The following ARL15 variants were observed in gnomAD, a reference collection of about 807,000 sequenced individuals.
ARL15 encodes the protein ADP-ribosylation factor-like protein 15.
ARL15 carries 19 observed loss-of-function variants against 25.2 expected under a neutral mutation model. The observed-to-expected ratio is 0.75, with a 90% CI of 0.53 to 1.10. The LOEUF (loss-of-function observed/expected upper bound fraction) is 1.10, where lower values mean the gene tolerates loss of function less well. Ranked by LOEUF, ARL15 falls within the 50% of genes least tolerant of loss-of-function variation. The probability of loss-of-function intolerance (pLI) is 0.00; values close to 1 mark genes in which losing one functional copy is unlikely to be tolerated. For missense variants in ARL15, 220 were observed against 246.0 expected (o/e 0.89, Z 0.71); for synonymous variants, 94 against 86.8 (o/e 1.08, Z -0.46).
At chr5:53,893,039 T>C (rs922016783) in intron 4 of ARL15, among the ~76,000 whole-genome samples, 6 of 152,196 alleles carry the variant, frequency 3.9e-5, no homozygotes, top group African/African-American at 1.4e-4. Context: ...ACTTTCCTTG[T>C]CTATGTCCTA....
intron 3 of ARL15, among the ~76,000 whole-genome samples, chr5:54,119,961 T>C (rs893894365): frequency 1.3e-5 from 2 of 152,208 alleles, no homozygotes; most frequent in Non-Finnish European, 1.5e-5. Context: ...AGCATAGTAA[T>C]CTAAATGCAT....
chr5:53,997,054 A>G (rs1748702811), intron 4 of ARL15, among the ~76,000 whole-genome samples: 1 of 152,204 alleles, frequency 6.6e-6, no homozygotes, highest in Non-Finnish European at 1.5e-5. Context: ...CTACCTCAAT[A>G]GGGTGAAGAA....
At chr5:54,133,159 G>A (rs1753488165) in intron 3 of ARL15, among the ~76,000 whole-genome samples, 1 of 152,032 alleles carries the variant, frequency 6.6e-6, no homozygotes, top group Non-Finnish European at 1.5e-5. Context: ...ACTTTTAAAA[G>A]AAAATCAGAT....
In ARL15 at chr5:54,192,297, T is replaced by A. The variant is rs1269288151; in HGVS notation, c.49-20369A>T. Among the ~76,000 whole-genome samples the A allele has an allele frequency of 3.3e-5, 5 of 151,962 alleles. No individual in the cohort carries two copies. In the East Asian group the frequency reaches 9.7e-4, roughly 29 times the overall value. ...AAAAAGCCAAAAAAATTGCAACCTT[T>A]CCCACCACAACATGTTCTAACTACC... On this transcript the variant is annotated intron_variant, in intron 1 of 4. Transcript: ENST00000504924.
chr5:53,928,938 A>C (rs1377908156), intron 4 of ARL15, among the ~76,000 whole-genome samples: 1 of 152,214 alleles, frequency 6.6e-6, no homozygotes, highest in Non-Finnish European at 1.5e-5. Flanking sequence ...CTGCTTTAAG[A>C]CTAATGAATT....
intron 4 of ARL15, 88 bp downstream of exon 4, chr5:54,113,114 C>G (rs983118537): frequency 3.3e-5 from 43 of 1,296,442 alleles, no homozygotes; most frequent in Non-Finnish European, 4.2e-5. Context: ...CCAGCACATT[C>G]CTAATTACAT....
At chr5:54,080,224 A>G (rs1029968175) in intron 4 of ARL15, among the ~76,000 whole-genome samples, 23 of 152,220 alleles carry the variant, frequency 1.5e-4, no homozygotes, top group African/African-American at 5.1e-4. Context: ...AGATAGGAAT[A>G]CTTTTGAAGA....
At chr5:54,010,134 G>T (rs1351681894) in intron 4 of ARL15, among the ~76,000 whole-genome samples, 2 of 152,272 alleles carry the variant, frequency 1.3e-5, no homozygotes, top group African/African-American at 4.8e-5. Context: ...CAAAAACACT[G>T]CCCCACTCAC....
At chr5:54,134,939 C>T (rs1180533384) in intron 3 of ARL15, among the ~76,000 whole-genome samples, 1 of 151,966 alleles carries the variant, frequency 6.6e-6, no homozygotes, top group Admixed American at 6.6e-5. Flanking sequence ...GAGATTAGCA[C>T]AGAGTAGACA....
chr5:54,052,540 G>C (rs1750732239), intron 4 of ARL15, among the ~76,000 whole-genome samples: 1 of 152,128 alleles, frequency 6.6e-6, no homozygotes, highest in African/African-American at 2.4e-5. Context: ...TTAAACAATT[G>C]AGTAAATGGA....
intron 4 of ARL15, among the ~76,000 whole-genome samples, chr5:54,016,213 C>T (rs554140615): frequency 1.4e-4 from 21 of 152,290 alleles, no homozygotes; most frequent in African/African-American, 5.1e-4. Context: ...AAAGTTCTCT[C>T]TCCCTTATAG....
chr5:54,120,596 C>T (rs1217975595), intron 3 of ARL15, among the ~76,000 whole-genome samples: 4 of 152,200 alleles, frequency 2.6e-5, no homozygotes, highest in Non-Finnish European at 5.9e-5. Flanking sequence ...CAAAAGCCAA[C>T]AGCTGACTCC....
At chr5:54,232,187 C>G (rs1442722806) in intron 1 of ARL15, among the ~76,000 whole-genome samples, 1 of 152,174 alleles carries the variant, frequency 6.6e-6, no homozygotes, top group Non-Finnish European at 1.5e-5. Flanking sequence ...GCCCTTTCCC[C>G]TCTGGGATTA....
At chr5:54,171,988 T>G in intron 1 of ARL15, 60 bp from the exon 2 acceptor site, 1 of 1,571,556 alleles carries the variant, frequency 6.4e-7, no homozygotes, top group African/African-American at 1.4e-5. Flanking sequence ...TAAACCATAG[T>G]CACATTTAAA....
intron 4 of ARL15, among the ~76,000 whole-genome samples, chr5:54,057,988 C>CTTTA (rs58782533): frequency 0.081 from 2,644 of 32,736 alleles, 38 homozygotes; most frequent in Middle Eastern, 0.14. Flanking sequence ...TTACTGGTGC[C>CTTTA]TTTATTTATT....
rs180933206 is a variant in ARL15, at chr5:53,937,538, T to C, written c.463-50825A>G. Among the ~76,000 whole-genome samples, 9 of 152,334 alleles carry C rather than the reference T, an allele frequency of 5.9e-5. No individual in the cohort carries two copies. In the East Asian group the frequency reaches 1.7e-3, roughly 29 times the overall value. On this transcript the variant is annotated intron_variant, in intron 4 of 4. Transcript: ENST00000504924. ...TGATAATGGGCCTTTAGAATTATAA[T>C]ACTATAGTTTTTACTACGGCTTTTC... is the stretch of plus-strand genomic sequence containing the variant.
chr5:54,310,335 C>T (rs1758864000), intron 1 of ARL15, 97 bp downstream of exon 1: 6 of 1,395,048 alleles, frequency 4.3e-6, no homozygotes, highest in Non-Finnish European at 5.9e-6. Flanking sequence ...GCATCCTATC[C>T]CAAAGAAAGA....
At chr5:54,304,072 A>G (rs1461901446) in intron 1 of ARL15, among the ~76,000 whole-genome samples, 1 of 152,220 alleles carries the variant, frequency 6.6e-6, no homozygotes, top group Non-Finnish European at 1.5e-5. Flanking sequence ...TTTCTTTAAC[A>G]TAGTAGTGGT....
rs1016327761 is a variant in ARL15, at chr5:53,957,340, A to C, written c.463-70627T>G. Among the ~76,000 whole-genome samples, 7 of 152,172 alleles carry C rather than the reference A, an allele frequency of 4.6e-5. No homozygotes were observed. In the South Asian group the frequency reaches 1.0e-3, roughly 23 times the overall value. On this transcript the variant is annotated intron_variant, in intron 4 of 4. Coordinates refer to ENST00000504924, the MANE Select transcript of ARL15 (RefSeq NM_019087.3). The stretch of plus-strand genomic sequence containing the variant: ...AGTGCTGAAAGAATAAAAAATGTTG[A>C]CCAAGAATTTCATATATGACCAAGA...
Sources: gnomAD v4.1 joint callset for allele counts (sites outside exome capture counted in the v4.1 genomes callset) on GRCh38, gnomAD v4.1.1 for gene constraint, MANE v1.5 for transcripts, NCBI Gene and HGNC (gene_info 2026-07-23, HGNC 2026-07-21) for gene names.